Variants in C2CD2 observed in about 807,000 individuals in gnomAD.
The protein encoded by C2CD2 is C2 domain-containing protein 2.
In C2CD2, 43 loss-of-function variants were observed where a neutral mutation model predicts 74.3. The observed-to-expected ratio is 0.58, with a 90% CI of 0.45 to 0.75. The LOEUF is 0.75. Ranked by LOEUF, C2CD2 falls within the 30% of genes least tolerant of loss-of-function variation. The pLI, the probability that C2CD2 is intolerant of heterozygous loss-of-function variation, is 0.00. For synonymous variants in C2CD2, 422 were observed against 390.7 expected (o/e 1.08, Z -0.94); for missense variants, 801 against 916.3 (o/e 0.87, Z 1.63).
chr21:41,950,846 C>T (rs560812103), intron 1 of C2CD2, among the ~76,000 whole-genome samples: 1 of 152,306 alleles, frequency 6.6e-6, no homozygotes, highest in African/African-American at 2.4e-5. Flanking sequence ...ACTTTTCAGA[C>T]AGAATGCTGG....
chr21:41,920,353 A>G (rs1008272496), intron 3 of C2CD2, among the ~76,000 whole-genome samples: 2 of 152,218 alleles, frequency 1.3e-5, no homozygotes, highest in African/African-American at 4.8e-5. Context: ...CAAAGCAAAA[A>G]TCTTAACTTT....
chr21:41,898,333 G>A (rs1052850669), intron 13 of C2CD2, among the ~76,000 whole-genome samples: 1 of 152,192 alleles, frequency 6.6e-6, no homozygotes, highest in African/African-American at 2.4e-5. Context: ...TCTTATGGAG[G>A]AGGATGCTGA....
At chr21:41,889,412 C>G (rs1344497802) in intron 13 of C2CD2, 68 bp from the exon 14 acceptor site, 1 of 1,094,252 alleles carries the variant, frequency 9.1e-7, no homozygotes, top group Non-Finnish European at 1.4e-6. Flanking sequence ...CTGGTCCAAT[C>G]GGACAAAGGG....
In C2CD2 at chr21:41,895,813, A is replaced by C. The variant is rs1289832997; in HGVS notation, c.1870+3240T>G. Among the ~76,000 whole-genome samples the C allele has an allele frequency of 6.6e-6, 1 of 152,224 alleles. No individual in the cohort carries two copies. Among genetic ancestry groups the C allele is most frequent in the Non-Finnish European group, 1.5e-5 (1 of 68,036 alleles). ...TGAAGGTTCTGTCTTAAAACCCAGCAGAAAGAAAAACAATGACCAGAAAAA... is the reference window on the plus strand; with the variant it reads ...TGAAGGTTCTGTCTTAAAACCCAGCCGAAAGAAAAACAATGACCAGAAAAA... On this transcript the variant is annotated intron_variant, in intron 13 of 13. Coordinates refer to ENST00000380486, the MANE Select transcript of C2CD2 (RefSeq NM_015500.2). This position sits in a 1 kb window ranked among gnomAD's most constrained non-coding sequence, Gnocchi z 5.0.
rs2065470791 is a variant in C2CD2 at position 41,953,756 on chromosome 21, G to A, written c.-108C>T. 3.8e-6 allele frequency: 4 copies of A among 1,049,220 alleles called. No homozygotes were observed. Among genetic ancestry groups the A allele is most frequent in the South Asian group, 4.5e-5 (1 of 22,464 alleles). 65.0% of individuals were successfully genotyped at this position (1,049,220 alleles called of 1,614,324 possible). On this transcript the variant is annotated 5_prime_UTR_variant, in exon 1 of 14. Coordinates refer to ENST00000380486, the MANE Select transcript of C2CD2 (RefSeq NM_015500.2). ...GCCACAGCGCGCTGGGGGCGTGGAG[G>A]GGGCGCGGCGGGGTCGGAGCCCGGC...
Position 41,899,524 on chromosome 21 carries a change from G to A in C2CD2, c.1561-162C>T, listed in dbSNP as rs1020369759. Among the ~76,000 whole-genome samples the A allele has an allele frequency of 3.9e-5, 6 of 152,198 alleles. No homozygotes were observed. Among genetic ancestry groups the A allele is most frequent in the African/African-American group, 1.4e-4 (6 of 41,458 alleles). On this transcript the variant is annotated intron_variant, in intron 12 of 13. Transcript: ENST00000380486. This position sits in a 1 kb window ranked among gnomAD's most constrained non-coding sequence, Gnocchi z 4.4. ...AAGGCGCTTATACATCACGGCCGTT[G>A]CTCATGCTTGGGTTAAAAAAGGTCT...
In C2CD2 at chr21:41,905,761, G is replaced by C; in HGVS notation, c.1395C>G (p.Ser465Arg). Residue 465 changes from serine (S) to arginine (R), a missense_variant, in exon 11 of 14, where the codon AGC (serine) becomes AGG (arginine). Ser to Arg is a moderately radical substitution (Grantham distance 110). Transcript: ENST00000380486. Reference sequence around the variant, plus strand: ...AAGAGAGTGTTTTGCTGACGGGGGCGCTGCGGCAGGCGATGGCCTGGACAG... The same window carrying C: ...AAGAGAGTGTTTTGCTGACGGGGGCCCTGCGGCAGGCGATGGCCTGGACAG... ...DISVQAIACR[S>R]APVSKTLSSS... 3.1e-6 allele frequency: 5 copies of C among 1,610,572 alleles called. No individual in the cohort carries two copies. Among genetic ancestry groups the C allele is most frequent in the Non-Finnish European group, 4.2e-6 (5 of 1,177,150 alleles).
At chr21:41,911,956 C>T (rs568507712) in intron 7 of C2CD2, among the ~76,000 whole-genome samples, 3 of 152,306 alleles carry the variant, frequency 2.0e-5, no homozygotes, top group African/African-American at 7.2e-5. Context: ...CCCGTCTCTG[C>T]CACCCAAACA....
At chr21:41,916,569 C>T (rs1482028719) in intron 5 of C2CD2, among the ~76,000 whole-genome samples, 2 of 151,816 alleles carry the variant, frequency 1.3e-5, no homozygotes, top group African/African-American at 4.8e-5. Flanking sequence ...GGGCTTCAGA[C>T]TCGAACTAGA....
chr21:41,942,978 C>T, intron 1 of C2CD2: 1 of 982,702 alleles, frequency 1.0e-6, no homozygotes, highest in South Asian at 4.7e-5. Flanking sequence ...TCGGTCAGCT[C>T]ATGTCTGTTC....
Position 41,919,111 on chromosome 21 carries a change from C to T in C2CD2, c.493-151G>A, listed in dbSNP as rs555200714. On this transcript the variant is annotated intron_variant, in intron 3 of 13. Coordinates refer to ENST00000380486, the MANE Select transcript of C2CD2 (RefSeq NM_015500.2). The stretch of plus-strand genomic sequence containing the variant: ...GCATATATGAGTGCATGTGAGTGTG[C>T]GTGTATGCGCATGTGTGCATATGAG... 1.2e-3 allele frequency: 752 copies of T among 642,754 alleles called. 4 individuals are homozygous for T. Among genetic ancestry groups the T allele is most frequent in the Non-Finnish European group, 1.8e-3 (648 of 357,110 alleles). The allele number at this position is 642,754 out of a possible 1,614,324, so 39.8% of individuals were successfully genotyped here.
intron 2 of C2CD2, among the ~76,000 whole-genome samples, chr21:41,931,484 G>A (rs376835560): frequency 2.7e-5 from 4 of 146,202 alleles, no homozygotes; most frequent in East Asian, 4.0e-4. Context: ...GTGCAGTGGC[G>A]CAATCTCGGC....
chr21:41,949,377 G>A (rs2065431569), intron 1 of C2CD2, among the ~76,000 whole-genome samples: 1 of 152,204 alleles, frequency 6.6e-6, no homozygotes, highest in African/African-American at 2.4e-5. Context: ...ACCTGAGACT[G>A]AGCCAGTTCT....
At chr21:41,915,437 G>A (rs967264898) in intron 5 of C2CD2, among the ~76,000 whole-genome samples, 7 of 151,624 alleles carry the variant, frequency 4.6e-5, no homozygotes, top group Admixed American at 4.6e-4. Context: ...ACTGCCAAGA[G>A]TGTTCTTTTT....
Position 41,953,455 on chromosome 21 carries a change from G to A in C2CD2, c.194C>T (p.Ser65Phe). The A allele has an allele frequency of 6.7e-7, 1 of 1,493,092 alleles. No individual in the cohort carries two copies. 92.5% of individuals were successfully genotyped at this position (1,493,092 alleles called of 1,614,324 possible). ...CCAGCTGCCCAGCGTCAGGATCCAG[G>A]AGAGCAGCGCGTCGGACCCCGGGCG... ...GPRPGSDALL[S>F]WILTLGSWRS... is the part of the protein sequence containing the mutation. The change falls in exon 1 of 14, where the codon TCC becomes TTC. Residue 65 changes from serine (S) to phenylalanine (F), a missense_variant. Transcript: ENST00000380486.
In C2CD2 at chr21:41,923,493, T is replaced by C. The variant is rs1369539721; in HGVS notation, c.379-1408A>G. On this transcript the variant is annotated intron_variant, in intron 2 of 13. Coordinates refer to ENST00000380486, the MANE Select transcript of C2CD2 (RefSeq NM_015500.2). The surrounding 1 kb of genome is among the most constrained non-coding windows in gnomAD (Gnocchi z 5.8). Reference sequence around the variant, plus strand: ...CTTAAATTACCCAGAACACAATGGGTTGCTTCCACCTAAATAATTTCGAGG... The same window carrying C: ...CTTAAATTACCCAGAACACAATGGGCTGCTTCCACCTAAATAATTTCGAGG... 2.0e-5 allele frequency among the ~76,000 whole-genome samples: 3 copies of C among 152,224 alleles called. No individual in the cohort carries two copies. Among genetic ancestry groups the C allele is most frequent in the African/African-American group, 7.2e-5 (3 of 41,458 alleles).
chr21:41,896,707 C>CAAAAAAAA (rs71332341), intron 13 of C2CD2, among the ~76,000 whole-genome samples: 40 of 73,636 alleles, frequency 5.4e-4, no homozygotes, highest in African/African-American at 8.9e-4. Flanking sequence ...GTTCTTAAAC[C>CAAAAAAAA]AAAAAAAAAA....
At chr21:41,891,399 C>T (rs1207957258) in intron 13 of C2CD2, among the ~76,000 whole-genome samples, 1 of 152,204 alleles carries the variant, frequency 6.6e-6, no homozygotes, top group Non-Finnish European at 1.5e-5. Context: ...TGACCCCCAA[C>T]TGGACATGAC....
Position 41,918,122 on chromosome 21 carries a change from T to C in C2CD2, c.703A>G (p.Thr235Ala). 1 of 1,614,110 alleles carries C rather than the reference T, an allele frequency of 6.2e-7. No individual in the cohort carries two copies. Among genetic ancestry groups the C allele is most frequent in the Non-Finnish European group, 8.5e-7 (1 of 1,180,010 alleles). The change falls in exon 5 of 14, where the codon ACT becomes GCT. Residue 235 changes from threonine to alanine, a missense_variant. Transcript: ENST00000380486. ...GAGTTTACCTGAGCTTCCTTTACAG[T>C]CGTGGGCTTGGTAATCAGAACCACT... ...PSVVLITKPT[T>A]VKEAQNLQCA...
Sources: gnomAD v4.1 joint callset for allele counts (sites outside exome capture counted in the v4.1 genomes callset) on GRCh38, gnomAD v4.1.1 for gene constraint, Gnocchi (gnomAD v3.1) non-coding constraint, MANE v1.5 for transcripts, NCBI Gene and HGNC (gene_info 2026-07-23, HGNC 2026-07-21) for gene names.